Variants in SUGCT observed in about 807,000 individuals in gnomAD.
The protein encoded by SUGCT is succinyl-CoA:glutarate CoA-transferase.
A neutral mutation model predicts 55.0 loss-of-function variants in SUGCT; 41 were observed. The ratio of observed to expected loss-of-function variants is 0.74; its 90% CI spans 0.58 to 0.97. SUGCT has a LOEUF of 0.97. Among genes scored for constraint, SUGCT ranks in the 50% least tolerant of loss-of-function variants. The pLI, the probability that SUGCT is intolerant of heterozygous loss-of-function variation, is 0.00. For missense variants in SUGCT, 568 were observed against 547.8 expected, an observed-to-expected ratio of 1.04 and a Z score of -0.37; for synonymous variants, 187 against 200.4, an observed-to-expected ratio of 0.93 and a Z score of 0.56.
chr7:40,759,028 C>T (rs1160086245), intron 13 of SUGCT, among the ~76,000 whole-genome samples: 1 of 152,074 alleles, frequency 6.6e-6, no homozygotes. Context: ...ACATTTTGGG[C>T]ATTTGAGGCG....
At chr7:40,541,035 A>G (rs1794646599) in intron 12 of SUGCT, among the ~76,000 whole-genome samples, 2 of 152,196 alleles carry the variant, frequency 1.3e-5, no homozygotes, top group Non-Finnish European at 2.9e-5. Flanking sequence ...TGCAAAAATG[A>G]AGGAAAAATA....
intron 12 of SUGCT, among the ~76,000 whole-genome samples, chr7:40,695,457 C>T (rs994207999): frequency 2.0e-5 from 3 of 152,110 alleles, no homozygotes; most frequent in Non-Finnish European, 2.9e-5. Flanking sequence ...CTCGGCCTCC[C>T]AAAGTGTTGG....
At chr7:40,461,054 A>G (rs953743513) in intron 11 of SUGCT, among the ~76,000 whole-genome samples, 2 of 152,006 alleles carry the variant, frequency 1.3e-5, no homozygotes, top group African/African-American at 4.8e-5. Context: ...ATTTTTTGGT[A>G]CCTTCTTATG....
chr7:40,772,531 T>TG (rs1216862898), intron 13 of SUGCT, among the ~76,000 whole-genome samples: 1 of 151,476 alleles, frequency 6.6e-6, no homozygotes, highest in Admixed American at 6.6e-5. Context: ...TCTATCTATC[T>TG]ATCTATCTAT....
chr7:40,145,802 T>A (rs540733637), intron 1 of SUGCT, among the ~76,000 whole-genome samples: 1 of 152,354 alleles, frequency 6.6e-6, no homozygotes, highest in South Asian at 2.1e-4. Flanking sequence ...CTGGCACGTT[T>A]GAGCAGCCCA....
the SUGCT span, among the ~76,000 whole-genome samples, chr7:40,970,224 T>C: frequency 3.3e-5 from 5 of 152,166 alleles, no homozygotes; most frequent in African/African-American, 1.2e-4. Flanking sequence ...CAGGCTGGAA[T>C]GCAATGACGC....
In SUGCT at chr7:40,188,574, TA is replaced by T; in HGVS notation, c.312del (p.Ser105ValfsTer12). The T allele has an allele frequency of 6.3e-7, 1 of 1,596,588 alleles. No homozygotes were observed. Among genetic ancestry groups the T allele is most frequent in the South Asian group, 1.2e-5 (1 of 85,880 alleles). ...CATATTATCTCAGTGTTAACCGAAA[TA>T]AAAAAGTAAGAATATCATCCCTTTT... ...STYYLSVNRN[K>X]KSIAVNIKDP... On this transcript the variant is annotated frameshift_variant, in exon 4 of 14. Transcript: ENST00000335693. LOFTEE classifies it high-confidence loss of function.
chr7:40,681,598 A>G (rs1784247949), intron 12 of SUGCT, among the ~76,000 whole-genome samples: 1 of 152,148 alleles, frequency 6.6e-6, no homozygotes, highest in Non-Finnish European at 1.5e-5. Flanking sequence ...GAACTCCTCA[A>G]TGGCTTGCAG....
At chr7:40,830,041 C>T (rs1792570780) in intron 13 of SUGCT, among the ~76,000 whole-genome samples, 1 of 152,132 alleles carries the variant, frequency 6.6e-6, no homozygotes, top group Non-Finnish European at 1.5e-5. Flanking sequence ...CTTCTTTCTC[C>T]CACATTCCAC....
intron 7 of SUGCT, among the ~76,000 whole-genome samples, chr7:40,270,108 C>T (rs1045176229): frequency 6.7e-6 from 1 of 149,176 alleles, no homozygotes; most frequent in African/African-American, 2.5e-5. Flanking sequence ...TGGATTTCAG[C>T]CTGGGTGATG....
intron 12 of SUGCT, chr7:40,499,138 G>C (rs1453996052): frequency 2.2e-6 from 1 of 456,464 alleles, no homozygotes; most frequent in African/African-American, 2.0e-5. Flanking sequence ...CTCTCCATGT[G>C]CGCTGTGCCA....
chr7:40,905,720 T>A, the SUGCT span, among the ~76,000 whole-genome samples: 1 of 151,940 alleles, frequency 6.6e-6, no homozygotes, highest in African/African-American at 2.4e-5. Flanking sequence ...TTTTTTCTTT[T>A]TTTTTTTTCT....
intron 12 of SUGCT, among the ~76,000 whole-genome samples, chr7:40,531,906 C>T (rs1794116793): frequency 6.6e-6 from 1 of 152,190 alleles, no homozygotes; most frequent in African/African-American, 2.4e-5. Flanking sequence ...GATCTCCTGA[C>T]CTCATGATCC....
chr7:40,580,279 A>T (rs76866988), intron 12 of SUGCT, among the ~76,000 whole-genome samples: 1 of 152,318 alleles, frequency 6.6e-6, no homozygotes, highest in East Asian at 1.9e-4. Context: ...TCTCTTGATC[A>T]ATTAGTCTAT....
chr7:40,675,906 C>G (rs967684388), intron 12 of SUGCT, among the ~76,000 whole-genome samples: 2 of 152,098 alleles, frequency 1.3e-5, no homozygotes, highest in Non-Finnish European at 2.9e-5. Flanking sequence ...GAAATATGAA[C>G]AAGTATAGAC....
At chr7:40,571,187 A>G (rs1796431575) in intron 12 of SUGCT, among the ~76,000 whole-genome samples, 1 of 152,230 alleles carries the variant, frequency 6.6e-6, no homozygotes, top group Non-Finnish European at 1.5e-5. Flanking sequence ...TATGCTTTGC[A>G]TAGCTAAGCT....
Position 40,135,112 on chromosome 7 carries a change from C to T in SUGCT, c.92C>T (p.Pro31Leu), listed in dbSNP as rs370031397. The T allele has an allele frequency of 1.6e-4, 254 of 1,554,704 alleles. 1 individual carries two copies. The African/African-American group carries it at 2.9e-3, about 18-fold the overall frequency. Residue 31 changes from proline (P) to leucine (L), a missense_variant, in exon 1 of 14, where the codon CCG becomes CTG. Coordinates refer to ENST00000335693, the MANE Select transcript of SUGCT (RefSeq NM_001193313.2). ...GGGAGGGGGCTGTGGACTGGCCGCCCGCAGTCAGGTACCCTCCGAGATTCG... is the reference window on the plus strand; with the variant it reads ...GGGAGGGGGCTGTGGACTGGCCGCCTGCAGTCAGGTACCCTCCGAGATTCG... ...GGGRGLWTGRPQSDMNNIKPL... is the reference protein window; with the variant it reads ...GGGRGLWTGRLQSDMNNIKPL...
At chr7:40,584,045 G>C (rs562355837) in intron 12 of SUGCT, among the ~76,000 whole-genome samples, 1 of 152,242 alleles carries the variant, frequency 6.6e-6, no homozygotes, top group African/African-American at 2.4e-5. Flanking sequence ...CAGGGTTAAG[G>C]CTCTCTCAGT....
At chr7:40,488,232 T>A (rs1487373612) in intron 11 of SUGCT, among the ~76,000 whole-genome samples, 1 of 151,244 alleles carries the variant, frequency 6.6e-6, no homozygotes, top group Non-Finnish European at 1.5e-5. Flanking sequence ...TATTTTTTCT[T>A]TGTGAATACC....
Sources: gnomAD v4.1 joint callset for allele counts (sites outside exome capture counted in the v4.1 genomes callset) on GRCh38, gnomAD v4.1.1 for gene constraint, MANE v1.5 for transcripts, NCBI Gene and HGNC (gene_info 2026-07-23, HGNC 2026-07-21) for gene names.